Variants in SLC26A4 observed in about 807,000 individuals in gnomAD.
SLC26A4 encodes the protein solute carrier family 26 member 4, also known as pendrin.
SLC26A4 carries 93 observed loss-of-function variants against 90.4 expected under a neutral mutation model. The ratio of observed to expected loss-of-function variants is 1.03; its 90% CI spans 0.87 to 1.22. SLC26A4 has a LOEUF of 1.22. Ranked by LOEUF, SLC26A4 falls within the 50% of genes most tolerant of loss-of-function variation. The probability of loss-of-function intolerance (pLI) is 0.00; values close to 1 mark genes in which losing one functional copy is unlikely to be tolerated. For synonymous variants in SLC26A4, 393 were observed against 354.6 expected (o/e 1.11, Z -1.22); for missense variants, 1,127 against 946.2 (o/e 1.19, Z -2.51).
At chr7:107,688,925 C>A in intron 8 of SLC26A4, 128 bp from the exon 9 acceptor site, 1 of 945,798 alleles carries the variant, frequency 1.1e-6, no homozygotes, top group Non-Finnish European at 1.7e-6. Flanking sequence ...ATTTCGTGTG[C>A]TTTTTGTTCT....
Position 107,672,154 on chromosome 7 carries a change from A to T in SLC26A4, c.321A>T (p.Leu107=), listed in dbSNP as rs780863907. Residue 107 remains leucine, a synonymous_variant, in exon 4 of 21, where the codon CTA becomes CTT. Coordinates refer to ENST00000644269, the MANE Select transcript of SLC26A4 (RefSeq NM_000441.2). ...TGCTTTCAGGGATGGCATATGCCCTACTAGCTGCAGTTCCTGTCGGATATG... is the reference window on the plus strand; with the variant it reads ...TGCTTTCAGGGATGGCATATGCCCTTCTAGCTGCAGTTCCTGTCGGATATG... ...VATLQGMAYA[L]LAAVPVGYGL... 6.2e-7 allele frequency: 1 copy of T among 1,610,876 alleles called. No individual in the cohort carries two copies. Among genetic ancestry groups the T allele is most frequent in the Non-Finnish European group, 8.5e-7 (1 of 1,177,168 alleles).
chr7:107,673,213 A>G (rs911193030), intron 4 of SLC26A4, among the ~76,000 whole-genome samples: 23 of 152,196 alleles, frequency 1.5e-4, no homozygotes, highest in African/African-American at 5.3e-4. Context: ...AAAGCCTTCC[A>G]TGATGAGAGG....
In SLC26A4 at chr7:107,663,312, G is replaced by C; in HGVS notation, c.181G>C (p.Ala61Pro). 6.2e-7 allele frequency: 1 copy of C among 1,614,228 alleles called. No individual in the cohort carries two copies. The highest frequency in any genetic ancestry group is 8.5e-7 in the Non-Finnish European group (1 of 1,180,036). Residue 61 changes from alanine (A) to proline (P), a missense_variant, in exon 3 of 21, where the codon GCC (alanine) becomes CCC (proline). Transcript: ENST00000644269. ...AKCCSCSRKR[A>P]FGVLKTLVPI... The stretch of plus-strand genomic sequence containing the variant: ...TTTTGACAGTTGTTCAAGAAAGAGA[G>C]CCTTTGGTGTGCTAAAGACTCTTGT...
intron 20 of SLC26A4, among the ~76,000 whole-genome samples, chr7:107,713,152 C>T (rs1792239078): frequency 6.6e-6 from 1 of 152,200 alleles, no homozygotes; most frequent in South Asian, 2.1e-4. Flanking sequence ...GTAAATTTTG[C>T]AGCTTCGCCA....
At chr7:107,677,321 G>A (rs1415759553) in intron 6 of SLC26A4, among the ~76,000 whole-genome samples, 2 of 152,168 alleles carry the variant, frequency 1.3e-5, no homozygotes, top group Non-Finnish European at 2.9e-5. Context: ...CTAAGCCTCA[G>A]TGTCCTCAAT....
intron 16 of SLC26A4, 24 bp downstream of exon 16, chr7:107,701,220 C>T: frequency 7.0e-7 from 1 of 1,428,454 alleles, no homozygotes; most frequent in Non-Finnish European, 9.9e-7. Context: ...TTTCTTTTCC[C>T]CCTTAAATTA....
chr7:107,688,997 G>A, intron 8 of SLC26A4, 56 bp from the exon 9 acceptor site: 3 of 1,592,352 alleles, frequency 1.9e-6, no homozygotes, highest in Non-Finnish European at 2.6e-6. Context: ...TGATGAGATG[G>A]GGAAAAAGGA....
At chr7:107,679,823 A>G (rs866117568) in intron 6 of SLC26A4, among the ~76,000 whole-genome samples, 1 of 143,416 alleles carries the variant, frequency 7.0e-6, no homozygotes, top group South Asian at 2.1e-4. Context: ...ATTATATAAT[A>G]TAATCTTATA....
chr7:107,679,854 ATTATATTATATAATC>A (rs1226755815), intron 6 of SLC26A4, among the ~76,000 whole-genome samples: 1 of 80,916 alleles, frequency 1.2e-5, no homozygotes, highest in South Asian at 2.8e-4. Flanking sequence ...ATCTTATATT[ATTATATTATATAATC>A]TTATATTATA....
At position 107,672,164 on chromosome 7, in the gene SLC26A4, G is replaced by T. The variant is rs546564669; in HGVS notation, c.331G>T (p.Val111Phe). 2 of 1,612,808 alleles carry T rather than the reference G, an allele frequency of 1.2e-6. No homozygotes were observed. Among genetic ancestry groups the T allele is most frequent in the African/African-American group, 2.7e-5 (2 of 75,002 alleles). Residue 111 changes from valine (V) to phenylalanine (F), a missense_variant, in exon 4 of 21, where the codon GTT (valine) becomes TTT (phenylalanine). Physicochemically the swap from Val to Phe is conservative, Grantham distance 50 (BLOSUM62 -1). Coordinates refer to ENST00000644269, the MANE Select transcript of SLC26A4 (RefSeq NM_000441.2). ...GATGGCATATGCCCTACTAGCTGCA[G>T]TTCCTGTCGGATATGGTCTCTACTC... ...QGMAYALLAA[V>F]PVGYGLYSAF...
At chr7:107,667,577 G>C (rs915962510) in intron 3 of SLC26A4, among the ~76,000 whole-genome samples, 2 of 151,388 alleles carry the variant, frequency 1.3e-5, no homozygotes, top group Admixed American at 1.3e-4. Context: ...CCATGAATCA[G>C]AGGGAGATAA....
chr7:107,691,993 C>A, intron 10 of SLC26A4: 1 of 1,288,926 alleles, frequency 7.8e-7, no homozygotes, highest in Non-Finnish European at 1.0e-6. Context: ...TGGTCTTCAG[C>A]GGGTGCAGGC....
chr7:107,683,561 A>G, intron 8 of SLC26A4, 24 bp downstream of exon 8: 7 of 1,568,042 alleles, frequency 4.5e-6, no homozygotes, highest in Non-Finnish European at 6.1e-6. Flanking sequence ...TCCTCTTAGT[A>G]CTAATACATT....
At chr7:107,691,888 C>T in intron 10 of SLC26A4, 1 of 1,266,456 alleles carries the variant, frequency 7.9e-7, no homozygotes, top group East Asian at 5.8e-5. Flanking sequence ...GAGCCAATTT[C>T]CAAAGCTGTG....
At chr7:107,691,457 G>A (rs569605720) in intron 10 of SLC26A4, among the ~76,000 whole-genome samples, 1 of 148,928 alleles carries the variant, frequency 6.7e-6, no homozygotes, top group South Asian at 2.2e-4. Flanking sequence ...AGCCAATATC[G>A]TGCCACTACA....
At chr7:107,675,754 A>G (rs1584308602) in intron 6 of SLC26A4, among the ~76,000 whole-genome samples, 1 of 151,790 alleles carries the variant, frequency 6.6e-6, no homozygotes, top group Non-Finnish European at 1.5e-5. Context: ...TTGTATATTT[A>G]GTAGAGACAG....
At chr7:107,682,555 T>G (rs1394455151) in intron 6 of SLC26A4, among the ~76,000 whole-genome samples, 1 of 152,124 alleles carries the variant, frequency 6.6e-6, no homozygotes, top group Non-Finnish European at 1.5e-5. Context: ...TATTTTAGGA[T>G]TTTTTGTAAT....
intron 3 of SLC26A4, among the ~76,000 whole-genome samples, chr7:107,666,455 CAA>C (rs1250584022): frequency 6.6e-6 from 1 of 152,166 alleles, no homozygotes; most frequent in African/African-American, 2.4e-5. Context: ...CTCCTAGGCT[CAA>C]GTTATCTGCC....
intron 9 of SLC26A4, 92 bp from the exon 10 acceptor site, chr7:107,690,032 G>GTTT (rs1791523293): frequency 2.4e-6 from 2 of 831,880 alleles, no homozygotes; most frequent in Non-Finnish European, 4.3e-6. Context: ...AGGCATGGGA[G>GTTT]TTTTCATTCT....
Sources: allele counts gnomAD v4.1 joint callset (sites outside exome capture counted in the v4.1 genomes callset), GRCh38; gene constraint gnomAD v4.1.1; transcripts MANE v1.5; gene names NCBI Gene and HGNC (gene_info 2026-07-23, HGNC 2026-07-21).